Variants in DPP10 observed in about 807,000 individuals in gnomAD.
DPP10 encodes inactive dipeptidyl peptidase 10.
Under a neutral mutation model 120.9 loss-of-function variants are expected in DPP10, and 33 were observed. The ratio of observed to expected loss-of-function variants is 0.27; its 90% CI spans 0.21 to 0.37. The LOEUF (loss-of-function observed/expected upper bound fraction) is 0.37, where lower values mean the gene tolerates loss of function less well. DPP10 is among the 10% of genes least tolerant of loss of function. DPP10 has a pLI of 1.00. For missense variants in DPP10, 816 were observed against 942.8 expected, an observed-to-expected ratio of 0.87 and a Z score of 1.76; for synonymous variants, 337 against 326.1, an observed-to-expected ratio of 1.03 and a Z score of -0.36.
intron 17 of DPP10, among the ~76,000 whole-genome samples, chr2:115,788,844 C>T (rs1228638475): frequency 5.9e-5 from 9 of 152,114 alleles, no homozygotes; most frequent in African/African-American, 7.2e-5. Context: ...AGGCCAGGCG[C>T]GGTGGCTCAC....
intron 1 of DPP10, among the ~76,000 whole-genome samples, chr2:115,160,290 A>G (rs1036680291): frequency 1.7e-4 from 26 of 152,214 alleles, no homozygotes; most frequent in African/African-American, 6.3e-4. Context: ...CTCACCTCTA[A>G]TTCTATCTTT....
At chr2:115,021,226 A>C (rs1288043941) in intron 1 of DPP10, among the ~76,000 whole-genome samples, 1 of 152,112 alleles carries the variant, frequency 6.6e-6, no homozygotes, top group Admixed American at 6.6e-5. Context: ...AAATGAAACA[A>C]AATCTCGTTC....
intron 1 of DPP10, among the ~76,000 whole-genome samples, chr2:114,776,430 T>A (rs1422512085): frequency 1.3e-5 from 2 of 152,130 alleles, no homozygotes; most frequent in South Asian, 4.1e-4. Flanking sequence ...TTCCAGAGCT[T>A]CCAAGACCTT....
At chr2:115,668,669 G>C (rs2089644484) in intron 5 of DPP10, among the ~76,000 whole-genome samples, 1 of 152,022 alleles carries the variant, frequency 6.6e-6, no homozygotes, top group African/African-American at 2.4e-5. Context: ...TGGTCTGTCA[G>C]GTAGTTTCTC....
chr2:115,705,280 T>TTTTGC (rs1392250050), intron 7 of DPP10, among the ~76,000 whole-genome samples: 7 of 151,986 alleles, frequency 4.6e-5, no homozygotes, highest in African/African-American at 1.7e-4. Context: ...GTCAATGAGA[T>TTTTGC]TTTGCTTCAT....
intron 1 of DPP10, among the ~76,000 whole-genome samples, chr2:114,683,435 T>TGCCTTCCTCCCTTCCTTCCA (rs924868615): frequency 1.3e-5 from 2 of 151,580 alleles, no homozygotes; most frequent in Non-Finnish European, 1.5e-5. Context: ...CCACCCAGTG[T>TGCCTTCCTCCCTTCCTTCCA]GCCTTCCTCC....
At chr2:114,817,577 A>AATGTG (rs1685745661) in intron 1 of DPP10, among the ~76,000 whole-genome samples, 2 of 152,294 alleles carry the variant, frequency 1.3e-5, no homozygotes, top group South Asian at 4.1e-4. Context: ...TCTTACTAGA[A>AATGTG]TCTCATCAAG....
chr2:114,511,797 T>A (rs1470670156), intron 1 of DPP10, among the ~76,000 whole-genome samples: 2 of 152,304 alleles, frequency 1.3e-5, no homozygotes, highest in East Asian at 3.9e-4. Context: ...CACAAAGTGA[T>A]CCTGAACTAA....
In DPP10 at chr2:114,942,402, C is replaced by CAT. The variant is rs61579596; in HGVS notation, c.61-366818_61-366817dup. ...ACATATATATATATACACACACACA[C>CAT]ATATATATATATATATATATGATAT... On this transcript the variant is annotated intron_variant, in intron 1 of 25. Transcript: ENST00000410059. 4.5e-3 allele frequency among the ~76,000 whole-genome samples: 575 copies of CAT among 127,776 alleles called. 1 individual carries two copies. The highest frequency in any genetic ancestry group is 0.016 in the African/African-American group (522 of 31,912). The allele number at this position is 127,776 out of a possible 152,430, so 83.8% of individuals were successfully genotyped here.
intron 1 of DPP10, among the ~76,000 whole-genome samples, chr2:114,613,947 A>G (rs1323632940): frequency 6.6e-6 from 1 of 152,122 alleles, no homozygotes; most frequent in Non-Finnish European, 1.5e-5. Context: ...GAAGGGGAAC[A>G]TCATACACCA....
chr2:114,493,284 G>T (rs1478591874), intron 1 of DPP10, among the ~76,000 whole-genome samples: 6 of 152,176 alleles, frequency 3.9e-5, no homozygotes, highest in African/African-American at 1.4e-4. Flanking sequence ...CCAGGACAGG[G>T]ATGGTGGGCA....
rs1007374214 is a variant in DPP10 at position 115,006,863 on chromosome 2, C to T, written c.61-302376C>T. Among the ~76,000 whole-genome samples the T allele has an allele frequency of 1.2e-3, 177 of 151,600 alleles. 1 individual carries two copies. The Middle Eastern group carries it at 0.021, about 18-fold the overall frequency. On this transcript the variant is annotated intron_variant, in intron 1 of 25. Coordinates refer to ENST00000410059, the MANE Select transcript of DPP10 (RefSeq NM_020868.6). ...GAATTGAACTCAGCTCTGCACCAAG[C>T]GGACCTAATAGACATCTACAGAACT...
chr2:114,465,689 AT>A (rs1199924262), intron 1 of DPP10, among the ~76,000 whole-genome samples: 2 of 152,210 alleles, frequency 1.3e-5, no homozygotes, highest in South Asian at 4.1e-4. Flanking sequence ...TAATAGAAGT[AT>A]TTTTTGCTTT....
At chr2:115,583,979 G>C (rs2082146163) in intron 5 of DPP10, among the ~76,000 whole-genome samples, 1 of 152,106 alleles carries the variant, frequency 6.6e-6, no homozygotes, top group East Asian at 1.9e-4. Context: ...TTGCTGTTCT[G>C]TTTGCTATTA....
intron 1 of DPP10, among the ~76,000 whole-genome samples, chr2:114,950,877 C>G (rs889334598): frequency 1.3e-5 from 2 of 152,136 alleles, no homozygotes; most frequent in Non-Finnish European, 2.9e-5. Context: ...ATGAGGGCCC[C>G]TGGACCACTT....
chr2:115,767,489 G>GTGTA (rs1491465692), intron 12 of DPP10, among the ~76,000 whole-genome samples: 19 of 109,290 alleles, frequency 1.7e-4, no homozygotes, highest in African/African-American at 4.3e-4. Context: ...GTGTGTGTGT[G>GTGTA]TATATATATA....
chr2:115,359,934 C>A (rs929652421), intron 3 of DPP10, among the ~76,000 whole-genome samples: 2 of 152,006 alleles, frequency 1.3e-5, no homozygotes, highest in African/African-American at 4.8e-5. Context: ...TTTTTAATTT[C>A]TCTAGTAAGT....
chr2:114,599,449 T>C (rs938579583), intron 1 of DPP10, among the ~76,000 whole-genome samples: 1 of 151,878 alleles, frequency 6.6e-6, no homozygotes, highest in African/African-American at 2.4e-5. Context: ...ATTAGTTTTT[T>C]CTACTCTAGG....
chr2:114,981,388 AG>A (rs1348134146), intron 1 of DPP10, among the ~76,000 whole-genome samples: 12 of 152,200 alleles, frequency 7.9e-5, no homozygotes, highest in East Asian at 5.8e-4. Context: ...CCGAAAAAAA[AG>A]CAAGTTGAAA....
Sources: gnomAD v4.1 joint callset for allele counts (sites outside exome capture counted in the v4.1 genomes callset) on GRCh38, gnomAD v4.1.1 for gene constraint, MANE v1.5 for transcripts, NCBI Gene and HGNC (gene_info 2026-07-23, HGNC 2026-07-21) for gene names.